The following LGSN variants were observed in gnomAD, a reference collection of about 807,000 sequenced individuals.
The protein encoded by LGSN is lengsin, lens protein with glutamine synthetase domain, also known as lengsin.
Under a neutral mutation model 19.5 loss-of-function variants are expected in LGSN, and 21 were observed. The observed-to-expected ratio is 1.07, with a 90% CI of 0.76 to 1.55. LGSN has a LOEUF of 1.55. Among genes scored for constraint, LGSN ranks in the 40% most tolerant of loss-of-function variants. The pLI is 0.00. For synonymous variants in LGSN, 257 were observed against 215.6 expected, an observed-to-expected ratio of 1.19 and a Z score of -1.68; for missense variants, 673 against 608.5, an observed-to-expected ratio of 1.11 and a Z score of -1.12.
chr6:63,353,583 T>A, the LGSN span, among the ~76,000 whole-genome samples: 4 of 138,346 alleles, frequency 2.9e-5, no homozygotes, highest in East Asian at 4.1e-4. Context: ...AGAAGCAGTT[T>A]GTAGCAAAAA....
chr6:63,372,221 G>A, the LGSN span, among the ~76,000 whole-genome samples: 1 of 152,116 alleles, frequency 6.6e-6, no homozygotes, highest in African/African-American at 2.4e-5. Context: ...GCTTAGTCCC[G>A]GGCTGTTGAC....
the LGSN span, among the ~76,000 whole-genome samples, chr6:63,455,071 G>A: frequency 1.3e-5 from 2 of 152,220 alleles, no homozygotes; most frequent in East Asian, 3.9e-4. Flanking sequence ...GGGATTACAG[G>A]CGTGAGCCAC....
the LGSN span, among the ~76,000 whole-genome samples, chr6:63,469,122 C>T: frequency 6.6e-6 from 1 of 152,062 alleles, no homozygotes; most frequent in Admixed American, 6.6e-5. Flanking sequence ...CTCGTTAAGT[C>T]ACTGCTATTA....
chr6:63,462,678 C>A, the LGSN span, among the ~76,000 whole-genome samples: 1 of 152,212 alleles, frequency 6.6e-6, no homozygotes, highest in Admixed American at 6.6e-5. Flanking sequence ...AAACTTTTCA[C>A]TCACATGCCT....
chr6:63,325,865 G>A, the LGSN span, among the ~76,000 whole-genome samples: 13 of 152,120 alleles, frequency 8.5e-5, no homozygotes, highest in Non-Finnish European at 1.6e-4. Flanking sequence ...TGCAAAGAGC[G>A]AAAGAACAAA....
the LGSN span, among the ~76,000 whole-genome samples, chr6:63,463,760 G>A: frequency 2.6e-5 from 4 of 152,102 alleles, no homozygotes; most frequent in African/African-American, 7.2e-5. Flanking sequence ...TTTAGTTAAT[G>A]ACATATGTGT....
the LGSN span, among the ~76,000 whole-genome samples, chr6:63,471,980 T>A: frequency 6.6e-6 from 1 of 152,130 alleles, no homozygotes; most frequent in Middle Eastern, 3.4e-3. Flanking sequence ...TCACCAGAAA[T>A]CTCACTTCTG....
the LGSN span, among the ~76,000 whole-genome samples, chr6:63,398,988 G>C: frequency 6.6e-6 from 1 of 152,046 alleles, no homozygotes; most frequent in African/African-American, 2.4e-5. Flanking sequence ...AAAAATTTTT[G>C]TAGAGACAGG....
At chr6:63,468,004 T>A in the LGSN span, among the ~76,000 whole-genome samples, 2 of 152,274 alleles carry the variant, frequency 1.3e-5, no homozygotes, top group South Asian at 4.1e-4. Context: ...AATTATCTCT[T>A]TAATTATCTC....
At chr6:63,358,417 T>C in the LGSN span, among the ~76,000 whole-genome samples, 1 of 152,344 alleles carries the variant, frequency 6.6e-6, no homozygotes, top group African/African-American at 2.4e-5. Context: ...ATAAATTACC[T>C]TGGGCAGTAT....
intron 2 of LGSN, among the ~76,000 whole-genome samples, chr6:63,288,675 G>C (rs1164196338): frequency 6.6e-6 from 1 of 152,162 alleles, no homozygotes; most frequent in African/African-American, 2.4e-5. Flanking sequence ...AGTTCTGAAG[G>C]CTAGAGGTCC....
the LGSN span, among the ~76,000 whole-genome samples, chr6:63,423,080 C>A: frequency 6.6e-6 from 1 of 152,168 alleles, no homozygotes; most frequent in Admixed American, 6.5e-5. Flanking sequence ...GGTACAGTGG[C>A]TCACTTCTGT....
chr6:63,464,047 T>C, the LGSN span, among the ~76,000 whole-genome samples: 1 of 152,116 alleles, frequency 6.6e-6, no homozygotes, highest in African/African-American at 2.4e-5. Context: ...TGAAAAAAAA[T>C]TGACAATGAA....
chr6:63,344,849 A>T, the LGSN span, among the ~76,000 whole-genome samples: 1 of 152,226 alleles, frequency 6.6e-6, no homozygotes, highest in Admixed American at 6.5e-5. Context: ...AATAAATAGC[A>T]TTTATAGTTA....
chr6:63,484,339 C>G, the LGSN span, among the ~76,000 whole-genome samples: 1 of 151,946 alleles, frequency 6.6e-6, no homozygotes, highest in Non-Finnish European at 1.5e-5. Flanking sequence ...CTGTCAAAAC[C>G]CTGTCTCTAC....
chr6:63,390,832 C>G, the LGSN span, among the ~76,000 whole-genome samples: 21 of 146,898 alleles, frequency 1.4e-4, no homozygotes, highest in Middle Eastern at 0.01. Flanking sequence ...TGCACTCCAG[C>G]CTGGGCGACA....
the LGSN span, among the ~76,000 whole-genome samples, chr6:63,455,361 T>G: frequency 6.6e-6 from 1 of 152,250 alleles, no homozygotes. Context: ...CTGGCATTTG[T>G]GATACAAAGA....
chr6:63,373,737 C>G, the LGSN span, among the ~76,000 whole-genome samples: 9 of 152,028 alleles, frequency 5.9e-5, no homozygotes, highest in South Asian at 1.0e-3. Flanking sequence ...CTCTGGGAGG[C>G]CAAGGCGGGC....
the LGSN span, among the ~76,000 whole-genome samples, chr6:63,502,943 C>A: frequency 8.5e-5 from 13 of 152,298 alleles, 1 homozygote; most frequent in South Asian, 2.7e-3. Context: ...CAGTAAGAAT[C>A]TATGAATTAA....
Sources: allele counts gnomAD v4.1 joint callset (sites outside exome capture counted in the v4.1 genomes callset), GRCh38; gene constraint gnomAD v4.1.1; transcripts MANE v1.5; gene names NCBI Gene and HGNC (gene_info 2026-07-23, HGNC 2026-07-21).